Variants in SPOCK1 observed in about 807,000 individuals in gnomAD.
SPOCK1 encodes SPARC (osteonectin), cwcv and kazal like domains proteoglycan 1.
Under a neutral mutation model 55.3 loss-of-function variants are expected in SPOCK1, and 23 were observed. The ratio of observed to expected loss-of-function variants is 0.42; its 90% CI spans 0.30 to 0.59. The LOEUF is 0.59. Among genes scored for constraint, SPOCK1 ranks in the 20% least tolerant of loss-of-function variants. The probability of loss-of-function intolerance (pLI) is 0.22; values close to 1 mark genes in which losing one functional copy is unlikely to be tolerated. For missense variants in SPOCK1, 499 were observed against 552.5 expected (o/e 0.90, Z 0.97); for synonymous variants, 226 against 221.0 (o/e 1.02, Z -0.20).
intron 5 of SPOCK1, among the ~76,000 whole-genome samples, chr5:137,097,848 C>T (rs964138387): frequency 4.8e-4 from 73 of 152,320 alleles, no homozygotes; most frequent in African/African-American, 1.5e-3. Context: ...CCAGCCAGTG[C>T]CTGCTAAAGA....
At chr5:137,193,976 G>C (rs1242981263) in intron 3 of SPOCK1, among the ~76,000 whole-genome samples, 2,224 of 152,224 alleles carry the variant, frequency 0.015, 63 homozygotes, top group African/African-American at 0.051. Context: ...AATCATGTAG[G>C]TAACCTATCA....
chr5:137,284,748 G>A (rs1757230699), intron 2 of SPOCK1, among the ~76,000 whole-genome samples: 1 of 152,168 alleles, frequency 6.6e-6, no homozygotes, highest in Non-Finnish European at 1.5e-5. Context: ...GAATTCCACT[G>A]GGCGCACTAA....
At chr5:137,484,786 CA>C (rs753918598) in intron 2 of SPOCK1, among the ~76,000 whole-genome samples, 8 of 152,084 alleles carry the variant, frequency 5.3e-5, no homozygotes, top group Admixed American at 1.3e-4. Flanking sequence ...TAGAAACAAC[CA>C]ATTGCCTACC....
At chr5:137,290,620 G>C (rs958385752) in intron 2 of SPOCK1, among the ~76,000 whole-genome samples, 2 of 152,174 alleles carry the variant, frequency 1.3e-5, no homozygotes, top group African/African-American at 4.8e-5. Context: ...TTTAATAAAG[G>C]TTTGAGAAAT....
chr5:137,378,096 C>T (rs932849796), intron 2 of SPOCK1, among the ~76,000 whole-genome samples: 7 of 152,126 alleles, frequency 4.6e-5, no homozygotes, highest in African/African-American at 1.7e-4. Flanking sequence ...AGGCATGCAC[C>T]ACCACATCCG....
intron 2 of SPOCK1, among the ~76,000 whole-genome samples, chr5:137,272,073 A>G (rs567437183): frequency 6.6e-6 from 1 of 152,336 alleles, no homozygotes; most frequent in South Asian, 2.1e-4. Flanking sequence ...GATTGCAGAT[A>G]CACACAAAAT....
Position 137,274,134 on chromosome 5 carries a change from G to T in SPOCK1, c.187-7079C>A, listed in dbSNP as rs796461354. Among the ~76,000 whole-genome samples, 156 of 152,206 alleles carry T rather than the reference G, an allele frequency of 1.0e-3. 2 individuals are homozygous for T. The highest frequency in any genetic ancestry group is 3.7e-3 in the African/African-American group (154 of 41,536). On this transcript the variant is annotated intron_variant, in intron 2 of 10. Coordinates refer to ENST00000394945, the MANE Select transcript of SPOCK1 (RefSeq NM_004598.4). ...GCCCTGTGTTTGGGCTTTTCTTCTG[G>T]GGATATGAATGGGCATATGATGCTC...
chr5:137,160,111 C>T (rs1199515723), intron 3 of SPOCK1, among the ~76,000 whole-genome samples: 2 of 151,598 alleles, frequency 1.3e-5, no homozygotes, highest in Non-Finnish European at 2.9e-5. Flanking sequence ...ATCCCTCACG[C>T]CCTTCCCACT....
intron 2 of SPOCK1, among the ~76,000 whole-genome samples, chr5:137,276,495 A>G (rs1757070752): frequency 6.6e-6 from 1 of 152,186 alleles, no homozygotes; most frequent in Non-Finnish European, 1.5e-5. Context: ...GGCAGTCCCT[A>G]GGGCCAGGGG....
At chr5:137,233,698 G>C (rs77455953) in intron 3 of SPOCK1, among the ~76,000 whole-genome samples, 1 of 126,964 alleles carries the variant, frequency 7.9e-6, no homozygotes, top group Non-Finnish European at 1.6e-5. Context: ...TTCATTGTTA[G>C]TATGAGGATA....
At chr5:137,365,120 C>G (rs1449613610) in intron 2 of SPOCK1, 4 of 152,414 alleles carry the variant, frequency 2.6e-5, no homozygotes, top group Non-Finnish European at 5.9e-5. Context: ...GCAGAACACC[C>G]AGCTTTCCAC....
chr5:137,257,495 C>A (rs1321860131), intron 3 of SPOCK1, among the ~76,000 whole-genome samples: 1 of 152,244 alleles, frequency 6.6e-6, no homozygotes, highest in East Asian at 1.9e-4. Flanking sequence ...TGGAAGAGGG[C>A]CCTCACCAGC....
At chr5:137,354,169 A>G (rs6863923) in intron 2 of SPOCK1, among the ~76,000 whole-genome samples, 32,571 of 152,080 alleles carry the variant, frequency 0.21, 3,568 homozygotes, top group South Asian at 0.28. Context: ...CTGCTGCGGG[A>G]AACCCAGTGG....
At chr5:137,113,193 T>C (rs529492691) in intron 4 of SPOCK1, among the ~76,000 whole-genome samples, 26 of 152,298 alleles carry the variant, frequency 1.7e-4, no homozygotes, top group Non-Finnish European at 3.2e-4. Context: ...CCAGCTCAAG[T>C]TTTTCCCCAT....
At position 137,002,023 on chromosome 5, in the gene SPOCK1, G is replaced by A. The variant is rs1751164389; in HGVS notation, c.590-9423C>T. ...CTGCCTAAAACATCAATATATATGC[G>A]TGTTCTCTTATCCTTAGAGAATGCG... is the stretch of plus-strand genomic sequence containing the variant. On this transcript the variant is annotated intron_variant, in intron 6 of 10. Transcript: ENST00000394945. Among the ~76,000 whole-genome samples the A allele has an allele frequency of 3.3e-5, 5 of 152,104 alleles. No homozygotes were observed. The South Asian group carries it at 8.3e-4, about 25-fold the overall frequency.
chr5:137,439,293 C>G (rs1232990148), intron 2 of SPOCK1, among the ~76,000 whole-genome samples: 1 of 152,150 alleles, frequency 6.6e-6, no homozygotes, highest in Non-Finnish European at 1.5e-5. Flanking sequence ...TCTATAAGGA[C>G]AGACAAGCCA....
At position 137,055,132 on chromosome 5, in the gene SPOCK1, G is replaced by A. The variant is rs138866862; in HGVS notation, c.589+12583C>T. 3.5e-3 allele frequency among the ~76,000 whole-genome samples: 538 copies of A among 152,208 alleles called. 8 individuals are homozygous for A. Among genetic ancestry groups the A allele is most frequent in the Non-Finnish European group, 2.0e-3 (138 of 68,016 alleles). ...AAAGACATGGAAAACAGCTCAGCTC[G>A]ACACAATTATTACCCTGAGACATAA... On this transcript the variant is annotated intron_variant, in intron 6 of 10. Transcript: ENST00000394945.
intron 2 of SPOCK1, among the ~76,000 whole-genome samples, chr5:137,339,540 A>G (rs148038802): frequency 9.6e-4 from 147 of 152,332 alleles, no homozygotes; most frequent in African/African-American, 3.3e-3. Flanking sequence ...CCAGCTTCCA[A>G]TGGCATTTAT....
intron 2 of SPOCK1, among the ~76,000 whole-genome samples, chr5:137,456,106 AG>A (rs1336609724): frequency 6.6e-6 from 1 of 152,104 alleles, no homozygotes; most frequent in East Asian, 1.9e-4. Flanking sequence ...AAGAATTCAG[AG>A]ACTAATTTCT....
Sources: gnomAD v4.1 joint callset for allele counts (sites outside exome capture counted in the v4.1 genomes callset) on GRCh38, gnomAD v4.1.1 for gene constraint, MANE v1.5 for transcripts, NCBI Gene and HGNC (gene_info 2026-07-23, HGNC 2026-07-21) for gene names.